The following NUMA1 variants were observed in gnomAD, a reference collection of about 807,000 sequenced individuals.
NUMA1 encodes SP-H antigen.
In NUMA1, 62 loss-of-function variants were observed where a neutral mutation model predicts 237.1. The ratio of observed to expected loss-of-function variants is 0.26; its 90% CI spans 0.21 to 0.32. The LOEUF (loss-of-function observed/expected upper bound fraction) is 0.32, where lower values mean the gene tolerates loss of function less well. Among genes scored for constraint, NUMA1 ranks in the 10% least tolerant of loss-of-function variants. The pLI is 1.00. For synonymous variants in NUMA1, 1,028 were observed against 1,066.1 expected (o/e 0.96, Z 0.70); for missense variants, 2,533 against 2,666.5 (o/e 0.95, Z 1.10).
At chr11:72,048,180 T>A (rs955541509) in intron 2 of NUMA1, among the ~76,000 whole-genome samples, 2 of 152,174 alleles carry the variant, frequency 1.3e-5, no homozygotes, top group Non-Finnish European at 2.9e-5. Context: ...CACCGCAACC[T>A]CTGCCTCCCG....
chr11:72,007,630 C>T, intron 20 of NUMA1, 195 bp from the exon 21 acceptor site: 1 of 666,154 alleles, frequency 1.5e-6, no homozygotes, highest in Non-Finnish European at 2.6e-6. Flanking sequence ...CTGGCTTCTC[C>T]TAATAGCTCC....
intron 1 of NUMA1, among the ~76,000 whole-genome samples, chr11:72,074,608 G>A (rs942431344): frequency 2.6e-5 from 4 of 151,518 alleles, no homozygotes; most frequent in South Asian, 2.1e-4. Flanking sequence ...GCACAGTGGC[G>A]TGCACTTGTA....
intron 4 of NUMA1, among the ~76,000 whole-genome samples, chr11:72,028,409 C>G (rs11235426): frequency 7.3e-6 from 1 of 136,654 alleles, no homozygotes; most frequent in East Asian, 2.2e-4. Flanking sequence ...ACACTTCAGT[C>G]TATCCTTGGC....
Position 72,019,539 on chromosome 11 carries a change from C to T in NUMA1, c.539G>A (p.Arg180His), listed in dbSNP as rs754214935. The T allele has an allele frequency of 4.3e-6, 7 of 1,613,718 alleles. No individual in the cohort carries two copies. Among genetic ancestry groups the T allele is most frequent in the East Asian group, 2.2e-5 (1 of 44,888 alleles). The stretch of plus-strand genomic sequence containing the variant: ...GGCAACCTTCTGTAGCTCTAGGAAG[C>T]GAATCTCCCTCTTGGCCTGGTGGCT... ...PPSHQAKREIRFLELQKVASS... is the reference protein window; with the variant it reads ...PPSHQAKREIHFLELQKVASS... Residue 180 changes from arginine to histidine, a missense_variant, in exon 9 of 27, where the codon CGC (arginine) becomes CAC (histidine). Around this residue, in one of 3 missense-constraint regions of NUMA1, gnomAD observed 1,414 missense variants for 1,508.1 expected, o/e 0.94. Coordinates refer to ENST00000393695, the MANE Select transcript of NUMA1 (RefSeq NM_006185.4).
Position 72,004,004 on chromosome 11 carries a change from C to T in NUMA1, c.6219G>A (p.Leu2073=), listed in dbSNP as rs2134331620. The T allele has an allele frequency of 6.2e-7, 1 of 1,613,474 alleles. No homozygotes were observed. Among genetic ancestry groups the T allele is most frequent in the Non-Finnish European group, 8.5e-7 (1 of 1,179,656 alleles). ...TGCGAGTGTTGGGGGAAGCCTTGGA[C>T]AGGGCCTTCTTTGAGGCTCCCCGCC... ...LLRRGASKKA[L]SKASPNTRSG... is the part of the protein sequence containing the mutation. Residue 2073 remains leucine, a synonymous_variant, in exon 26 of 27, where the codon CTG becomes CTA. Coordinates refer to ENST00000393695, the MANE Select transcript of NUMA1 (RefSeq NM_006185.4).
intron 2 of NUMA1, among the ~76,000 whole-genome samples, chr11:72,042,904 G>A (rs529960511): frequency 2.0e-5 from 3 of 151,328 alleles, no homozygotes; most frequent in South Asian, 4.2e-4. Flanking sequence ...ACTGAAGTCC[G>A]AGAGTTGGAG....
At chr11:72,063,935 AAAAG>A (rs1286404090) in intron 2 of NUMA1, among the ~76,000 whole-genome samples, 2 of 151,492 alleles carry the variant, frequency 1.3e-5, no homozygotes, top group African/African-American at 4.8e-5. Context: ...AAAAAAAAAA[AAAAG>A]AAACAAAAAG....
intron 20 of NUMA1, chr11:72,008,096 G>GGTATAATTGTT (rs1955869471): frequency 2.1e-6 from 1 of 478,676 alleles, no homozygotes; most frequent in East Asian, 5.2e-5. Context: ...ACCTACCTCA[G>GGTATAATTGTT]AGGGTTGTTG....
At chr11:72,064,422 T>A (rs1247664623) in intron 2 of NUMA1, among the ~76,000 whole-genome samples, 1 of 151,528 alleles carries the variant, frequency 6.6e-6, no homozygotes, top group Non-Finnish European at 1.5e-5. Context: ...GGATTGCAAC[T>A]GTACCACTGC....
chr11:72,009,158 C>T lies in NUMA1; in HGVS notation c.4867G>A (p.Ala1623Thr). The change falls in exon 19 of 27, where the codon GCC (alanine) becomes ACC (threonine). Residue 1623 changes from alanine to threonine, a missense_variant. Ala to Thr is a moderately conservative substitution (Grantham distance 58). Transcript: ENST00000393695. The stretch of plus-strand genomic sequence containing the variant: ...AGCTCTTGGTTCTGCTGCTTCTTGG[C>T]ATCATAATGTGTTTTGGCTTTCTCC... ...QMEKAKTHYD[A>T]KKQQNQELQE... The T allele has an allele frequency of 7.4e-7, 1 of 1,342,306 alleles. No homozygotes were observed. The highest frequency in any genetic ancestry group is 9.8e-7 in the Non-Finnish European group (1 of 1,021,828). 83.1% of individuals were successfully genotyped at this position (1,342,306 alleles called of 1,614,324 possible). A position where few individuals can be genotyped will look rare whatever the true frequency, so the allele number is the denominator to read the frequency against.
At chr11:72,053,214 C>T (rs1339721922) in intron 2 of NUMA1, among the ~76,000 whole-genome samples, 1 of 152,208 alleles carries the variant, frequency 6.6e-6, no homozygotes. Flanking sequence ...TCGAACTCCT[C>T]AACTAAAGTG....
At chr11:72,054,331 G>A (rs192962136) in intron 2 of NUMA1, among the ~76,000 whole-genome samples, 7 of 152,072 alleles carry the variant, frequency 4.6e-5, no homozygotes, top group Non-Finnish European at 8.8e-5. Context: ...AGCCGGGCAC[G>A]GTGGCAGGCA....
At chr11:72,027,701 T>C (rs907691758) in intron 4 of NUMA1, among the ~76,000 whole-genome samples, 2 of 152,136 alleles carry the variant, frequency 1.3e-5, no homozygotes, top group African/African-American at 4.8e-5. Context: ...TCACTGAGGT[T>C]TGATGAAGAG....
In NUMA1 at chr11:72,017,724, T is replaced by G. The variant is rs200776294; in HGVS notation, c.1082A>C (p.Gln361Pro). The G allele has an allele frequency of 4.3e-6, 7 of 1,613,494 alleles. No individual in the cohort carries two copies. In the South Asian group the frequency reaches 6.6e-5, roughly 15 times the overall value. The change falls in exon 13 of 27, where the codon CAG (glutamine) becomes CCG (proline). Residue 361 changes from glutamine to proline, a missense_variant. Physicochemically the swap from Gln to Pro is moderately conservative, Grantham distance 76. Around this residue, in one of 3 missense-constraint regions of NUMA1, gnomAD observed 1,414 missense variants for 1,508.1 expected, o/e 0.94. Coordinates refer to ENST00000393695, the MANE Select transcript of NUMA1 (RefSeq NM_006185.4). ...GGCTGCGCTGAGCTCCTTCTCCAGC[T>G]GGGCCTGCTTCTCTAGCCACTCCTG... ...ATQEWLEKQA[Q>P]LEKELSAALQ... is the part of the protein sequence containing the mutation.
intron 7 of NUMA1, 58 bp downstream of exon 7, chr11:72,022,281 C>T (rs1435760772): frequency 1.1e-5 from 12 of 1,121,368 alleles, no homozygotes; most frequent in Non-Finnish European, 1.5e-5. Flanking sequence ...AAAAACAAGT[C>T]AGGTGAGGTG....
At chr11:72,020,946 T>C (rs1938712752) in intron 8 of NUMA1, 7 of 393,556 alleles carry the variant, frequency 1.8e-5, no homozygotes, top group Middle Eastern at 6.8e-4. Flanking sequence ...GTTTAAAAAA[T>C]AAAAAACAAA....
In NUMA1 at chr11:72,019,497, T is replaced by C; in HGVS notation, c.581A>G (p.Asn194Ser). The C allele has an allele frequency of 1.2e-6, 2 of 1,612,810 alleles. No homozygotes were observed. Among genetic ancestry groups the C allele is most frequent in the South Asian group, 1.1e-5 (1 of 91,034 alleles). Residue 194 changes from asparagine to serine, a missense_variant, in exon 9 of 27, where the codon AAC becomes AGC. Transcript: ENST00000393695. ...GGAGGAGAGGCCCAGAACATACTTG[T>C]TCCCACTGGAAGAGGAGGCAACCTT... ...LQKVASSSSG[N>S]NFLSGSPASP...
chr11:72,003,811 G>T, intron 26 of NUMA1, 76 bp downstream of exon 26: 1 of 1,471,906 alleles, frequency 6.8e-7, no homozygotes, highest in Non-Finnish European at 9.4e-7. Flanking sequence ...CATCTTGGAT[G>T]CTACTTGGTG....
In NUMA1 at chr11:72,010,910, C is replaced by T. The variant is rs1956115200; in HGVS notation, c.4651-56G>A. 3 of 1,469,574 alleles carry T rather than the reference C, an allele frequency of 2.0e-6. No homozygotes were observed. The African/African-American group carries it at 4.2e-5, about 20-fold the overall frequency. 91.0% of individuals were successfully genotyped at this position (1,469,574 alleles called of 1,614,324 possible). On this transcript the variant is annotated intron_variant, in intron 16 of 26. Transcript: ENST00000393695. The stretch of plus-strand genomic sequence containing the variant: ...AGGAGGACTTCCCCTGGATGTTCAT[C>T]CTGGATGTCCACCCATCATGGGGTT...
Sources: allele counts gnomAD v4.1 joint callset (sites outside exome capture counted in the v4.1 genomes callset), GRCh38; gene constraint gnomAD v4.1.1; regional missense constraint gnomAD v4.1.1; transcripts MANE v1.5; gene names NCBI Gene and HGNC (gene_info 2026-07-23, HGNC 2026-07-21).